CTNNA2: variants seen among roughly 807,000 people sequenced by gnomAD.
CTNNA2 encodes catenin alpha-2.
CTNNA2 carries 42 observed loss-of-function variants against 101.0 expected under a neutral mutation model. The observed-to-expected ratio is 0.42, with a 90% CI of 0.32 to 0.54. The LOEUF (loss-of-function observed/expected upper bound fraction) is 0.54, where lower values mean the gene tolerates loss of function less well. CTNNA2 is among the 20% of genes least tolerant of loss of function. The probability of loss-of-function intolerance (pLI) is 0.14; values close to 1 mark genes in which losing one functional copy is unlikely to be tolerated. For synonymous variants in CTNNA2, 450 were observed against 456.4 expected (o/e 0.99, Z 0.18); for missense variants, 871 against 1,223.1 (o/e 0.71, Z 4.29).
At chr2:80,583,959 C>T (rs1030880554) in intron 14 of CTNNA2, among the ~76,000 whole-genome samples, 1 of 152,136 alleles carries the variant, frequency 6.6e-6, no homozygotes. Context: ...TGAGGTCTAT[C>T]ATGTGGTCTG....
intron 3 of CTNNA2, among the ~76,000 whole-genome samples, chr2:79,318,712 T>G (rs1339225935): frequency 6.6e-6 from 1 of 152,254 alleles, no homozygotes; most frequent in Non-Finnish European, 1.5e-5. Flanking sequence ...ACAATTTTAT[T>G]GGAGCAAAGT....
chr2:79,592,729 A>G (rs1676942385), intron 1 of CTNNA2, among the ~76,000 whole-genome samples: 1 of 152,188 alleles, frequency 6.6e-6, no homozygotes, highest in Non-Finnish European at 1.5e-5. Context: ...CATATTTTCT[A>G]CAGTGCCCAG....
intron 6 of CTNNA2, among the ~76,000 whole-genome samples, chr2:79,885,777 A>G (rs551798304): frequency 3.3e-5 from 5 of 152,198 alleles, no homozygotes; most frequent in Non-Finnish European, 2.9e-5. Context: ...TATCTCTGCT[A>G]TGTGTCTGAG....
At chr2:80,257,609 G>A (rs1464786774) in intron 7 of CTNNA2, among the ~76,000 whole-genome samples, 1 of 152,156 alleles carries the variant, frequency 6.6e-6, no homozygotes, top group East Asian at 1.9e-4. Context: ...TCCAAGGAGA[G>A]TTCCAATGAA....
intron 1 of CTNNA2, among the ~76,000 whole-genome samples, chr2:79,593,670 A>G (rs1327285824): frequency 6.6e-6 from 1 of 151,988 alleles, no homozygotes; most frequent in African/African-American, 2.4e-5. Flanking sequence ...ATGCTGACTC[A>G]GCATCTTTCT....
intron 4 of CTNNA2, among the ~76,000 whole-genome samples, chr2:79,419,991 T>C (rs796099583): frequency 7.9e-5 from 12 of 152,274 alleles, no homozygotes; most frequent in African/African-American, 2.6e-4. Flanking sequence ...TGACTTCTCA[T>C]CTTTCTTCAC....
intron 18 of CTNNA2, among the ~76,000 whole-genome samples, chr2:80,643,566 A>G (rs1244887810): frequency 6.6e-6 from 1 of 152,158 alleles, no homozygotes; most frequent in African/African-American, 2.4e-5. Flanking sequence ...TAACCAGGAA[A>G]AGATGGATAT....
intron 9 of CTNNA2, among the ~76,000 whole-genome samples, chr2:80,504,094 G>T (rs1034563083): frequency 6.6e-6 from 1 of 152,186 alleles, no homozygotes; most frequent in Admixed American, 6.6e-5. Flanking sequence ...TAGTTAGGTT[G>T]TCTGCCCAGG....
intron 4 of CTNNA2, among the ~76,000 whole-genome samples, chr2:79,378,604 T>C (rs938363407): frequency 1.3e-5 from 2 of 152,130 alleles, no homozygotes; most frequent in Admixed American, 6.6e-5. Context: ...ACTCTAAATA[T>C]GTAGTTTGAG....
At chr2:79,967,991 T>TC (rs1431305644) in intron 7 of CTNNA2, among the ~76,000 whole-genome samples, 1 of 152,142 alleles carries the variant, frequency 6.6e-6, no homozygotes, top group African/African-American at 2.4e-5. Context: ...ATATAAAATA[T>TC]CCAGAATTGG....
chr2:80,347,121 T>G, intron 7 of CTNNA2, among the ~76,000 whole-genome samples: 1 of 144,648 alleles, frequency 6.9e-6, no homozygotes, highest in East Asian at 1.9e-4. Context: ...CTTTGTGCTA[T>G]ATAGCAATCA....
chr2:80,484,802 C>T (rs560891168), intron 9 of CTNNA2, among the ~76,000 whole-genome samples: 21 of 152,162 alleles, frequency 1.4e-4, no homozygotes, highest in East Asian at 9.7e-4. Flanking sequence ...GTCCGGAGAT[C>T]GAGACCATCC....
rs60132060 is a variant in CTNNA2 at position 80,596,279 on chromosome 2, G to GTTTTTTTTTTTTTTTTTTTTTTTTT, written c.2189+6818_2189+6842dup. Reference sequence around the variant, plus strand: ...AGTTTTTTTGGGCTGAGACAAGGTTGTTTTTTTTTTTTTTTTTTTTTTTTT... The same window carrying GTTTTTTTTTTTTTTTTTTTTTTTTT: ...AGTTTTTTTGGGCTGAGACAAGGTTGTTTTTTTTTTTTTTTTTTTTTTTTTTTTTTTTTTTTTTTTTTTTTTTTTT... On this transcript the variant is annotated intron_variant, in intron 15 of 18. Coordinates refer to ENST00000402739, the MANE Select transcript of CTNNA2 (RefSeq NM_001282597.3). Among the ~76,000 whole-genome samples the GTTTTTTTTTTTTTTTTTTTTTTTTT allele has an allele frequency of 1.4e-4, 5 of 35,324 alleles. 2 individuals carry two copies. The highest frequency in any genetic ancestry group is 2.1e-4 in the Non-Finnish European group (4 of 18,620). 23.2% of individuals were successfully genotyped at this position (35,324 alleles called of 152,430 possible). A position where few individuals can be genotyped will look rare whatever the true frequency, so the allele number is the denominator to read the frequency against.
intron 1 of CTNNA2, among the ~76,000 whole-genome samples, chr2:79,559,696 A>C (rs2104117546): frequency 6.6e-6 from 1 of 152,024 alleles, no homozygotes; most frequent in African/African-American, 2.4e-5. Flanking sequence ...AAGTAGGTTG[A>C]ACACTAGTAG....
At chr2:80,185,721 C>T (rs551212356) in intron 7 of CTNNA2, among the ~76,000 whole-genome samples, 1 of 152,192 alleles carries the variant, frequency 6.6e-6, no homozygotes, top group East Asian at 1.9e-4. Context: ...TTCTCAAAAC[C>T]TTTGGTGAAT....
chr2:79,562,081 T>C (rs1055364576), intron 1 of CTNNA2, among the ~76,000 whole-genome samples: 16 of 151,986 alleles, frequency 1.1e-4, no homozygotes, highest in Non-Finnish European at 1.9e-4. Flanking sequence ...CTGAGAGTTT[T>C]CTAGTTTTTA....
intron 2 of CTNNA2, among the ~76,000 whole-genome samples, chr2:79,718,182 CTT>C (rs1172671321): frequency 3.3e-5 from 5 of 152,142 alleles, no homozygotes; most frequent in African/African-American, 9.7e-5. Flanking sequence ...CTGATTTCCT[CTT>C]TGATACGACT....
intron 7 of CTNNA2, among the ~76,000 whole-genome samples, chr2:80,263,940 C>T (rs928010996): frequency 2.0e-5 from 3 of 152,324 alleles, no homozygotes; most frequent in Admixed American, 6.5e-5. Flanking sequence ...CAAAGCCATA[C>T]TTAGGCTTAT....
intron 9 of CTNNA2, among the ~76,000 whole-genome samples, chr2:80,543,535 A>G (rs1691765921): frequency 6.6e-6 from 1 of 152,206 alleles, no homozygotes. Context: ...TAAAAACTCC[A>G]AAACCCTATT....
Sources: allele counts gnomAD v4.1 joint callset (sites outside exome capture counted in the v4.1 genomes callset), GRCh38; gene constraint gnomAD v4.1.1; transcripts MANE v1.5; gene names NCBI Gene and HGNC (gene_info 2026-07-23, HGNC 2026-07-21).